SUGCT: variants seen among roughly 807,000 people sequenced by gnomAD.
SUGCT encodes the protein succinyl-CoA:glutarate CoA-transferase.
In SUGCT, 41 loss-of-function variants were observed where a neutral mutation model predicts 55.0. The observed-to-expected ratio is 0.74, with a 90% CI of 0.58 to 0.97. The LOEUF is 0.97. Ranked by LOEUF, SUGCT falls within the 50% of genes least tolerant of loss-of-function variation. The pLI is 0.00. For missense variants in SUGCT, 568 were observed against 547.8 expected (o/e 1.04, Z -0.37); for synonymous variants, 187 against 200.4 (o/e 0.93, Z 0.56).
chr7:40,458,063 C>T (rs745725695), intron 10 of SUGCT, among the ~76,000 whole-genome samples: 3 of 152,206 alleles, frequency 2.0e-5, no homozygotes, highest in African/African-American at 7.2e-5. Context: ...AAAAATTACA[C>T]CACTGAGATG....
chr7:40,806,023 A>G (rs575626601), intron 13 of SUGCT, among the ~76,000 whole-genome samples: 1 of 152,328 alleles, frequency 6.6e-6, no homozygotes, highest in South Asian at 2.1e-4. Context: ...GGATGGCTAG[A>G]TATACTTTCA....
chr7:40,524,802 T>C (rs1007673220), intron 12 of SUGCT, among the ~76,000 whole-genome samples: 4 of 152,170 alleles, frequency 2.6e-5, no homozygotes, highest in Non-Finnish European at 5.9e-5. Flanking sequence ...GTTGGAGGGC[T>C]GTTTCATAAA....
chr7:40,278,975 T>C (rs1337198211), intron 8 of SUGCT, among the ~76,000 whole-genome samples: 1 of 151,066 alleles, frequency 6.6e-6, no homozygotes, highest in Non-Finnish European at 1.5e-5. Context: ...TACAGGCGTA[T>C]GACCTTATGC....
chr7:40,448,950 GTATATA>G (rs1244847873), intron 9 of SUGCT, among the ~76,000 whole-genome samples: 8 of 141,906 alleles, frequency 5.6e-5, no homozygotes, highest in Admixed American at 2.1e-4. Context: ...GTGTGTGTGT[GTATATA>G]TATATAGAGA....
At chr7:40,658,346 C>T (rs1397123754) in intron 12 of SUGCT, among the ~76,000 whole-genome samples, 2 of 152,128 alleles carry the variant, frequency 1.3e-5, no homozygotes, top group Non-Finnish European at 2.9e-5. Context: ...CTTTCCGTCT[C>T]TTAATTTCCT....
At chr7:40,432,752 A>C (rs1165985830) in intron 9 of SUGCT, among the ~76,000 whole-genome samples, 1 of 150,920 alleles carries the variant, frequency 6.6e-6, no homozygotes, top group Admixed American at 6.6e-5. Context: ...TGGACAATTT[A>C]ATTTCAATGT....
chr7:40,459,320 A>G lies in SUGCT; in HGVS notation c.986+122A>G, dbSNP rs906113919. 7 of 650,182 alleles carry G rather than the reference A, an allele frequency of 1.1e-5. No homozygotes were observed. In the African/African-American group the frequency reaches 1.3e-4, roughly 12 times the overall value. The allele number at this position is 650,182 out of a possible 1,614,324, so 40.3% of individuals were successfully genotyped here. A position where few individuals can be genotyped will look rare whatever the true frequency, so the allele number is the denominator to read the frequency against. ...AATTTGTAATTCTCTTCCATTTTAC[A>G]AAACTGGCTGGTGGAGAGATTTTAA... On this transcript the variant is annotated intron_variant, in intron 11 of 13. Transcript: ENST00000335693.
chr7:40,719,911 T>G (rs563258787), intron 12 of SUGCT, among the ~76,000 whole-genome samples: 1 of 152,278 alleles, frequency 6.6e-6, no homozygotes, highest in East Asian at 1.9e-4. Flanking sequence ...TTCTCCTGCC[T>G]CAGCCTCCTG....
chr7:40,186,770 T>C (rs1785541285), intron 3 of SUGCT, among the ~76,000 whole-genome samples: 1 of 152,154 alleles, frequency 6.6e-6, no homozygotes, highest in Admixed American at 6.6e-5. Flanking sequence ...TTGTCTCCAC[T>C]AGGGGACACG....
chr7:40,792,262 T>A (rs772248217), intron 13 of SUGCT, among the ~76,000 whole-genome samples: 3 of 152,146 alleles, frequency 2.0e-5, no homozygotes, highest in Non-Finnish European at 4.4e-5. Context: ...AAAGTATTAC[T>A]CTAAAGCAGG....
intron 9 of SUGCT, among the ~76,000 whole-genome samples, chr7:40,332,914 G>A (rs1235992521): frequency 6.6e-6 from 1 of 152,152 alleles, no homozygotes; most frequent in Admixed American, 6.6e-5. Flanking sequence ...GGATTTAGTG[G>A]TGTATTGGAT....
chr7:40,877,281 C>A, the SUGCT span, among the ~76,000 whole-genome samples: 1 of 152,138 alleles, frequency 6.6e-6, no homozygotes, highest in South Asian at 2.1e-4. Context: ...TACCCAAATG[C>A]GTGTCTGTAT....
intron 12 of SUGCT, among the ~76,000 whole-genome samples, chr7:40,717,806 A>G (rs1288283666): frequency 6.6e-6 from 1 of 152,200 alleles, no homozygotes; most frequent in Non-Finnish European, 1.5e-5. Context: ...TTTCTAAGAA[A>G]ATATCCATAG....
chr7:40,338,600 A>C (rs1796855993), intron 9 of SUGCT, among the ~76,000 whole-genome samples: 1 of 152,158 alleles, frequency 6.6e-6, no homozygotes, highest in Non-Finnish European at 1.5e-5. Context: ...CAGCTCCATC[A>C]GGTCATTTAA....
intron 9 of SUGCT, among the ~76,000 whole-genome samples, chr7:40,376,784 T>C (rs961284149): frequency 6.6e-6 from 1 of 151,888 alleles, no homozygotes; most frequent in Non-Finnish European, 1.5e-5. Context: ...TCTATTGAAG[T>C]TTCCTTCTGT....
chr7:40,372,433 C>T (rs572248742), intron 9 of SUGCT, among the ~76,000 whole-genome samples: 1 of 151,928 alleles, frequency 6.6e-6, no homozygotes, highest in Admixed American at 6.6e-5. Flanking sequence ...CATCAAATAC[C>T]TTAATTTGAT....
chr7:40,198,659 G>A lies in SUGCT; in HGVS notation c.484+3599G>A, dbSNP rs60751177. On this transcript the variant is annotated intron_variant, in intron 6 of 13. Transcript: ENST00000335693. ...GCGGATCACCTGAGGTCAGGAGTTCGAGACCAGCCTGACCAACATGACAAA... is the reference window on the plus strand; with the variant it reads ...GCGGATCACCTGAGGTCAGGAGTTCAAGACCAGCCTGACCAACATGACAAA... Among the ~76,000 whole-genome samples, 855 of 132,030 alleles carry A rather than the reference G, an allele frequency of 6.5e-3. 11 individuals carry two copies. Among genetic ancestry groups the A allele is most frequent in the African/African-American group, 0.026 (785 of 29,872 alleles). 86.6% of individuals were successfully genotyped at this position (132,030 alleles called of 152,430 possible).
intron 12 of SUGCT, among the ~76,000 whole-genome samples, chr7:40,590,284 AT>A (rs1301629045): frequency 6.6e-6 from 1 of 152,186 alleles, no homozygotes; most frequent in Non-Finnish European, 1.5e-5. Context: ...TGGTTAATTA[AT>A]AACCCTATAT....
chr7:40,369,026 C>T (rs1056002328), intron 9 of SUGCT, among the ~76,000 whole-genome samples: 1 of 151,704 alleles, frequency 6.6e-6, no homozygotes, highest in Non-Finnish European at 1.5e-5. Flanking sequence ...ATAGCTTGAA[C>T]GCAGGAGGAG....
Sources: gnomAD v4.1 joint callset for allele counts (sites outside exome capture counted in the v4.1 genomes callset) on GRCh38, gnomAD v4.1.1 for gene constraint, MANE v1.5 for transcripts, NCBI Gene and HGNC (gene_info 2026-07-23, HGNC 2026-07-21) for gene names.